ARHGAP22: variants seen among roughly 807,000 people sequenced by gnomAD.
The protein encoded by ARHGAP22 is rho GTPase-activating protein 22.
A neutral mutation model predicts 59.1 loss-of-function variants in ARHGAP22; 48 were observed. The observed-to-expected ratio is 0.81, with a 90% CI of 0.64 to 1.03. The LOEUF (loss-of-function observed/expected upper bound fraction) is 1.03, where lower values mean the gene tolerates loss of function less well. ARHGAP22 is among the 50% of genes least tolerant of loss of function. The probability of loss-of-function intolerance (pLI) is 0.00; values close to 1 mark genes in which losing one functional copy is unlikely to be tolerated. For synonymous variants in ARHGAP22, 445 were observed against 416.4 expected (o/e 1.07, Z -0.84); for missense variants, 1,015 against 958.7 (o/e 1.06, Z -0.78).
chr10:48,456,121 A>G (rs1386298051), intron 5 of ARHGAP22, among the ~76,000 whole-genome samples: 2 of 152,168 alleles, frequency 1.3e-5, no homozygotes, highest in African/African-American at 2.4e-5. Flanking sequence ...CAAGCCGTAT[A>G]TGGGCCCCAG....
At chr10:48,620,370 A>C (rs2061242954) in intron 1 of ARHGAP22, among the ~76,000 whole-genome samples, 1 of 152,096 alleles carries the variant, frequency 6.6e-6, no homozygotes, top group African/African-American at 2.4e-5. Flanking sequence ...GGTTGGATGG[A>C]GAAGCAGGCT....
At chr10:48,599,884 G>T (rs927274516) in intron 1 of ARHGAP22, among the ~76,000 whole-genome samples, 17 of 152,180 alleles carry the variant, frequency 1.1e-4, no homozygotes, top group Admixed American at 3.3e-4. Context: ...GCTTGTGAGG[G>T]TTGGACAGGA....
intron 3 of ARHGAP22, among the ~76,000 whole-genome samples, chr10:48,540,478 G>A (rs574716822): frequency 3.3e-5 from 5 of 152,272 alleles, no homozygotes; most frequent in East Asian, 1.9e-4. Context: ...TGATCCTCCC[G>A]CCTTGGCCTC....
At chr10:48,488,994 G>A (rs566482601) in intron 3 of ARHGAP22, among the ~76,000 whole-genome samples, 11 of 152,082 alleles carry the variant, frequency 7.2e-5, no homozygotes, top group African/African-American at 2.7e-4. Flanking sequence ...AGTCAGCTGG[G>A]GCACATGTAG....
In ARHGAP22 at chr10:48,593,938, G is replaced by A. The variant is rs138383161; in HGVS notation, c.35-10786C>T. The stretch of plus-strand genomic sequence containing the variant: ...TGATAATGTTCCTAAAGGGAAGCCC[G>A]GAGCTGTTATATTGTACATTTCATG... On this transcript the variant is annotated intron_variant, in intron 1 of 9. Coordinates refer to ENST00000249601, the MANE Select transcript of ARHGAP22 (RefSeq NM_021226.4). Among the ~76,000 whole-genome samples the A allele has an allele frequency of 1.5e-3, 228 of 152,276 alleles. 1 individual carries two copies. The highest frequency in any genetic ancestry group is 5.1e-3 in the African/African-American group (212 of 41,534).
At chr10:48,607,956 C>T (rs1385638505), upstream of ARHGAP22, among the ~76,000 whole-genome samples, 1 of 152,238 alleles carries the variant, frequency 6.6e-6, no homozygotes, top group African/African-American at 2.4e-5. Flanking sequence ...TGGCCCAGAG[C>T]CAGGATACCT....
intron 3 of ARHGAP22, among the ~76,000 whole-genome samples, chr10:48,548,832 G>A (rs2056672200): frequency 6.6e-6 from 1 of 152,242 alleles, no homozygotes; most frequent in African/African-American, 2.4e-5. Flanking sequence ...GGGTCCTTGA[G>A]TCTCAGTCCC....
At chr10:48,490,087 C>T (rs2050234299) in intron 3 of ARHGAP22, among the ~76,000 whole-genome samples, 1 of 152,114 alleles carries the variant, frequency 6.6e-6, no homozygotes, top group Non-Finnish European at 1.5e-5. Context: ...CAAACCTCAG[C>T]TCCCTCAATG....
chr10:48,597,828 C>A (rs115765943), intron 1 of ARHGAP22, among the ~76,000 whole-genome samples: 21 of 152,342 alleles, frequency 1.4e-4, no homozygotes, highest in African/African-American at 4.8e-4. Context: ...GCCTATGAGC[C>A]ATTAGCTTAG....
At chr10:48,630,059 T>G (rs1424705887) in intron 1 of ARHGAP22, among the ~76,000 whole-genome samples, 1 of 152,122 alleles carries the variant, frequency 6.6e-6, no homozygotes, top group African/African-American at 2.4e-5. Context: ...TGATTGGGAT[T>G]GTACTGAGTC....
chr10:48,528,174 A>G (rs1229997124), intron 3 of ARHGAP22, among the ~76,000 whole-genome samples: 2 of 152,132 alleles, frequency 1.3e-5, no homozygotes. Flanking sequence ...GCCCCAGGTC[A>G]TTCAAGGATT....
At chr10:48,587,906 C>A (rs1321338249) in intron 1 of ARHGAP22, among the ~76,000 whole-genome samples, 1 of 152,210 alleles carries the variant, frequency 6.6e-6, no homozygotes. Context: ...ACTGCTGCAC[C>A]CTCTGTCCCA....
chr10:48,499,647 G>C (rs1292828083), intron 3 of ARHGAP22, among the ~76,000 whole-genome samples: 1 of 152,210 alleles, frequency 6.6e-6, no homozygotes, highest in African/African-American at 2.4e-5. Context: ...AAGCTGGAGA[G>C]GAGGGTGAGC....
intron 9 of ARHGAP22, 133 bp from the exon 10 acceptor site, chr10:48,446,752 C>T: frequency 1.2e-6 from 1 of 839,652 alleles, no homozygotes; most frequent in Non-Finnish European, 1.8e-6. Flanking sequence ...AACCCTGGCT[C>T]ATCTGCTCCT....
intron 3 of ARHGAP22, among the ~76,000 whole-genome samples, chr10:48,486,191 C>T (rs1367399855): frequency 6.6e-6 from 1 of 152,012 alleles, no homozygotes; most frequent in Non-Finnish European, 1.5e-5. Context: ...TATTATACCC[C>T]TTCATGTATG....
rs184038325 is a variant in ARHGAP22, at chr10:48,472,134, G to C, written c.451+7502C>G. 2.2e-3 allele frequency among the ~76,000 whole-genome samples: 339 copies of C among 152,148 alleles called. 1 individual carries two copies. The highest frequency in any genetic ancestry group is 5.8e-3 in the Admixed American group (89 of 15,292). On this transcript the variant is annotated intron_variant, in intron 4 of 9. Coordinates refer to ENST00000249601, the MANE Select transcript of ARHGAP22 (RefSeq NM_021226.4). ...AGGCAGGAGAATCGCTTGAACCCGG[G>C]GGGGAAGAGGTTGCGTTGAGCCCAG...
chr10:48,596,569 C>A (rs1171676135), intron 1 of ARHGAP22, among the ~76,000 whole-genome samples: 1 of 152,140 alleles, frequency 6.6e-6, no homozygotes, highest in Admixed American at 6.5e-5. Flanking sequence ...TGAGTCCAGA[C>A]CAGGAAGTAT....
intron 3 of ARHGAP22, among the ~76,000 whole-genome samples, chr10:48,516,277 C>A (rs1346462326): frequency 1.3e-5 from 2 of 152,200 alleles, no homozygotes; most frequent in East Asian, 3.8e-4. Context: ...GTAATCCCAG[C>A]ACTTTGGGAG....
chr10:48,543,803 A>G (rs1216430306), intron 3 of ARHGAP22, among the ~76,000 whole-genome samples: 2 of 152,134 alleles, frequency 1.3e-5, no homozygotes, highest in East Asian at 3.9e-4. Flanking sequence ...TTGTTTGTCT[A>G]TGACAGATAA....
Sources: gnomAD v4.1 joint callset for allele counts (sites outside exome capture counted in the v4.1 genomes callset) on GRCh38, gnomAD v4.1.1 for gene constraint, MANE v1.5 for transcripts, NCBI Gene and HGNC (gene_info 2026-07-23, HGNC 2026-07-21) for gene names.